Variants in OPCML observed in about 807,000 individuals in gnomAD.
The protein encoded by OPCML is opioid-binding protein/cell adhesion molecule.
In OPCML, 13 loss-of-function variants were observed where a neutral mutation model predicts 37.8. The ratio of observed to expected loss-of-function variants is 0.34; its 90% confidence interval spans 0.22 to 0.55. OPCML has a LOEUF of 0.55. Ranked by LOEUF, OPCML falls within the 20% of genes least tolerant of loss-of-function variation. The pLI is 0.91. For synonymous variants in OPCML, 176 were observed against 168.8 expected (o/e 1.04, Z -0.33); for missense variants, 341 against 435.6 (o/e 0.78, Z 1.93).
At chr11:132,830,392 A>G (rs1192693518) in intron 2 of OPCML, among the ~76,000 whole-genome samples, 1 of 152,144 alleles carries the variant, frequency 6.6e-6, no homozygotes, top group Non-Finnish European at 1.5e-5. Flanking sequence ...CTGCCTTGAC[A>G]TGTAAGGTTA....
At chr11:133,013,387 C>T (rs1405847912) in intron 1 of OPCML, among the ~76,000 whole-genome samples, 1 of 152,026 alleles carries the variant, frequency 6.6e-6, no homozygotes, top group Non-Finnish European at 1.5e-5. Context: ...TACAATAAGG[C>T]AAAATTTTAT....
chr11:133,439,967 G>C (rs983340478), intron 1 of OPCML, among the ~76,000 whole-genome samples: 1 of 152,178 alleles, frequency 6.6e-6, no homozygotes, highest in African/African-American at 2.4e-5. Context: ...TAGATTAAAA[G>C]AGAAATCCAA....
chr11:132,635,591 C>CAA (rs140900995), intron 3 of OPCML, among the ~76,000 whole-genome samples: 72 of 149,268 alleles, frequency 4.8e-4, no homozygotes, highest in East Asian at 4.7e-3. Context: ...AGAAATTTGA[C>CAA]CAAAAAAAAA....
intron 1 of OPCML, among the ~76,000 whole-genome samples, chr11:133,442,726 C>A (rs1053766200): frequency 7.1e-6 from 1 of 141,350 alleles, no homozygotes; most frequent in African/African-American, 2.6e-5. Context: ...CATATTTAAA[C>A]GTGTGTGTGT....
chr11:132,462,905 A>G (rs1388206212), intron 4 of OPCML, among the ~76,000 whole-genome samples: 1 of 152,170 alleles, frequency 6.6e-6, no homozygotes, highest in Non-Finnish European at 1.5e-5. Context: ...AAGGATGAAC[A>G]AATACCCAGA....
At chr11:132,893,890 A>C (rs2136470550) in intron 2 of OPCML, among the ~76,000 whole-genome samples, 1 of 152,304 alleles carries the variant, frequency 6.6e-6, no homozygotes, top group East Asian at 1.9e-4. Flanking sequence ...CTCTTATCAA[A>C]GTGCTGCATA....
At chr11:132,637,448 A>G (rs986821410) in intron 3 of OPCML, among the ~76,000 whole-genome samples, 3 of 152,074 alleles carry the variant, frequency 2.0e-5, no homozygotes, top group African/African-American at 7.2e-5. Flanking sequence ...GGCCACAGTT[A>G]CTACTCTTGA....
chr11:133,330,222 T>C (rs1943584481), intron 1 of OPCML, among the ~76,000 whole-genome samples: 1 of 152,158 alleles, frequency 6.6e-6, no homozygotes, highest in Non-Finnish European at 1.5e-5. Flanking sequence ...ATAGGAACAC[T>C]TTTACACTGT....
intron 2 of OPCML, among the ~76,000 whole-genome samples, chr11:132,938,188 T>G (rs1473935743): frequency 1.3e-5 from 2 of 152,140 alleles, no homozygotes; most frequent in Non-Finnish European, 2.9e-5. Context: ...ACTTATTTGT[T>G]GTAATCTTTA....
intron 7 of OPCML, among the ~76,000 whole-genome samples, chr11:132,425,773 C>T (rs1416911419): frequency 6.6e-6 from 1 of 152,198 alleles, no homozygotes; most frequent in African/African-American, 2.4e-5. Context: ...CTGGAAAGGC[C>T]TGAAGTGGCT....
At position 133,264,092 on chromosome 11, in the gene OPCML, T is replaced by C. The variant is rs1941575226; in HGVS notation, c.61+268172A>G. On this transcript the variant is annotated intron_variant, in intron 1 of 7. Coordinates refer to ENST00000524381, the MANE Select transcript of OPCML (RefSeq NM_001012393.5). Reference sequence around the variant, plus strand: ...CCCACAGAAAATAAATATATTGATATTGAAAAACAGAAAGAAAAGTCAACC... The same window carrying C: ...CCCACAGAAAATAAATATATTGATACTGAAAAACAGAAAGAAAAGTCAACC... 3.3e-5 allele frequency among the ~76,000 whole-genome samples: 5 copies of C among 152,276 alleles called. No homozygotes were observed. The South Asian group carries it at 8.3e-4, about 25-fold the overall frequency.
chr11:132,495,183 A>G (rs942060033), intron 4 of OPCML, among the ~76,000 whole-genome samples: 2 of 152,212 alleles, frequency 1.3e-5, no homozygotes, highest in African/African-American at 4.8e-5. Context: ...TACCCAAAAA[A>G]CATTTATTGA....
intron 2 of OPCML, among the ~76,000 whole-genome samples, chr11:132,752,003 T>A (rs1945850519): frequency 6.6e-6 from 1 of 152,192 alleles, no homozygotes; most frequent in African/African-American, 2.4e-5. Flanking sequence ...TCAACCCACA[T>A]GCACACACAG....
intron 1 of OPCML, among the ~76,000 whole-genome samples, chr11:133,397,836 T>C (rs1292971172): frequency 6.6e-6 from 1 of 152,228 alleles, no homozygotes; most frequent in African/African-American, 2.4e-5. Context: ...GATACAGAAA[T>C]GCTGTTCAAT....
intron 1 of OPCML, among the ~76,000 whole-genome samples, chr11:133,464,734 A>T (rs1461658887): frequency 6.6e-6 from 1 of 152,182 alleles, no homozygotes; most frequent in East Asian, 1.9e-4. Context: ...GGAGGGGGAG[A>T]TCTGTTAGCA....
chr11:132,476,936 C>T (rs540445996), intron 4 of OPCML, among the ~76,000 whole-genome samples: 1 of 152,204 alleles, frequency 6.6e-6, no homozygotes, highest in South Asian at 2.1e-4. Flanking sequence ...TTTGTTTTCC[C>T]AATTTTTAAA....
At chr11:132,694,722 T>A (rs1943540705) in intron 2 of OPCML, among the ~76,000 whole-genome samples, 1 of 152,098 alleles carries the variant, frequency 6.6e-6, no homozygotes, top group Non-Finnish European at 1.5e-5. Flanking sequence ...CAGCCAGAGG[T>A]GACCACGTGC....
chr11:132,532,388 T>C (rs777460709), intron 3 of OPCML, among the ~76,000 whole-genome samples: 13 of 152,202 alleles, frequency 8.5e-5, no homozygotes, highest in African/African-American at 1.9e-4. Flanking sequence ...GTTCTTTTCT[T>C]CTTAATTATG....
intron 4 of OPCML, among the ~76,000 whole-genome samples, chr11:132,494,768 G>T (rs1337216191): frequency 6.6e-6 from 1 of 152,208 alleles, no homozygotes; most frequent in East Asian, 1.9e-4. Context: ...CTGAACATTT[G>T]TTGCAGAAAC....
Sources: gnomAD v4.1 joint callset for allele counts (sites outside exome capture counted in the v4.1 genomes callset) on GRCh38, gnomAD v4.1.1 for gene constraint, MANE v1.5 for transcripts, NCBI Gene and HGNC (gene_info 2026-07-23, HGNC 2026-07-21) for gene names.